The following CSMD2 variants were observed in gnomAD, a reference collection of about 807,000 sequenced individuals.
CSMD2 encodes the protein CUB and sushi domain-containing protein 2.
Under a neutral mutation model 398.5 loss-of-function variants are expected in CSMD2, and 130 were observed. That is an observed-to-expected ratio of 0.33 (90% CI 0.28 to 0.38). The LOEUF (loss-of-function observed/expected upper bound fraction) is 0.38. CSMD2 is among the 10% of genes least tolerant of loss of function. CSMD2 has a pLI of 1.00. For missense variants in CSMD2, 3,829 were observed against 4,764.9 expected (o/e 0.80, Z 5.78); for synonymous variants, 1,828 against 1,908.5 (o/e 0.96, Z 1.10).
intron 62 of CSMD2, among the ~76,000 whole-genome samples, chr1:33,536,490 T>TG (rs1309233941): frequency 6.6e-6 from 1 of 152,246 alleles, no homozygotes; most frequent in African/African-American, 2.4e-5. Flanking sequence ...CCCAAAGTGC[T>TG]GGGATTACAG....
chr1:33,895,918 C>G (rs770953434), intron 5 of CSMD2, among the ~76,000 whole-genome samples: 3 of 152,156 alleles, frequency 2.0e-5, no homozygotes, highest in African/African-American at 7.2e-5. Flanking sequence ...AACTGTAGCA[C>G]CTGCTGGCAC....
intron 53 of CSMD2, among the ~76,000 whole-genome samples, chr1:33,562,554 T>C (rs1658669771): frequency 6.6e-6 from 1 of 152,162 alleles, no homozygotes; most frequent in Non-Finnish European, 1.5e-5. Context: ...AGGCAATTAG[T>C]GTAGGCAACC....
chr1:34,158,967 A>C (rs1466996838), intron 1 of CSMD2, among the ~76,000 whole-genome samples: 2 of 152,170 alleles, frequency 1.3e-5, no homozygotes, highest in African/African-American at 4.8e-5. Flanking sequence ...CTCCTACTTG[A>C]AGATGCCCCT....
At chr1:33,524,293 C>CAT (rs1654575491) in intron 66 of CSMD2, among the ~76,000 whole-genome samples, 1 of 152,058 alleles carries the variant, frequency 6.6e-6, no homozygotes, top group African/African-American at 2.4e-5. Flanking sequence ...TGGGAACAGC[C>CAT]TTTATTCATA....
rs146151950 is a variant in CSMD2, at chr1:34,099,816, G to A, written c.188-10623C>T. On this transcript the variant is annotated intron_variant, in intron 1 of 70. Coordinates refer to ENST00000373381, the MANE Select transcript of CSMD2 (RefSeq NM_001281956.2). ...TGCTGAGAGCTGGAGCCTTGACCTGGTCCCTGCTGCATCCCTAGTGCCTAG... is the reference window on the plus strand; with the variant it reads ...TGCTGAGAGCTGGAGCCTTGACCTGATCCCTGCTGCATCCCTAGTGCCTAG... Among the ~76,000 whole-genome samples, 40 of 152,292 alleles carry A rather than the reference G, an allele frequency of 2.6e-4. 1 individual carries two copies. The highest frequency in any genetic ancestry group is 4.3e-4 in the Non-Finnish European group (29 of 68,026).
At chr1:34,065,686 A>T (rs186124075) in intron 2 of CSMD2, among the ~76,000 whole-genome samples, 2 of 152,334 alleles carry the variant, frequency 1.3e-5, no homozygotes, top group Admixed American at 6.5e-5. Flanking sequence ...AAGGTAATTC[A>T]TGGAAAGCCT....
intron 13 of CSMD2, among the ~76,000 whole-genome samples, chr1:33,769,048 T>C (rs1189542458): frequency 6.6e-6 from 1 of 152,210 alleles, no homozygotes; most frequent in Non-Finnish European, 1.5e-5. Flanking sequence ...CCTGGCTTCC[T>C]TAAGAAGTGT....
chr1:34,137,742 G>A (rs971120548), intron 1 of CSMD2, among the ~76,000 whole-genome samples: 1 of 152,198 alleles, frequency 6.6e-6, no homozygotes, highest in Non-Finnish European at 1.5e-5. Flanking sequence ...AACCTAACAT[G>A]TAATAGACAC....
chr1:33,866,077 C>T (rs1640011038), intron 5 of CSMD2, among the ~76,000 whole-genome samples: 2 of 152,166 alleles, frequency 1.3e-5, no homozygotes, highest in Non-Finnish European at 2.9e-5. Context: ...ATAGAGGGAC[C>T]TACACTTTCT....
intron 25 of CSMD2, among the ~76,000 whole-genome samples, chr1:33,690,538 T>C (rs1439472713): frequency 1.3e-5 from 2 of 152,192 alleles, no homozygotes; most frequent in Non-Finnish European, 2.9e-5. Context: ...AACCAGGTAG[T>C]AAACAAACAG....
intron 1 of CSMD2, among the ~76,000 whole-genome samples, chr1:34,154,518 T>C (rs1370591413): frequency 3.3e-5 from 5 of 152,174 alleles, no homozygotes; most frequent in Non-Finnish European, 7.3e-5. Flanking sequence ...AACAGATACG[T>C]AAAACGTGAT....
chr1:34,072,441 T>C (rs1655829132), intron 2 of CSMD2, among the ~76,000 whole-genome samples: 2 of 152,236 alleles, frequency 1.3e-5, no homozygotes. Flanking sequence ...GGAAACTTCC[T>C]ATCTCAGCAA....
intron 5 of CSMD2, chr1:33,885,300 C>T (rs1210251703): frequency 6.6e-6 from 1 of 152,114 alleles, no homozygotes; most frequent in African/African-American, 2.4e-5. Context: ...ATGGAAACCC[C>T]TTAAGATACA....
intron 4 of CSMD2, among the ~76,000 whole-genome samples, chr1:33,929,072 C>T (rs1644224328): frequency 6.6e-6 from 1 of 152,174 alleles, no homozygotes; most frequent in Non-Finnish European, 1.5e-5. Flanking sequence ...CTGTGCCAGT[C>T]ATCTCCATCT....
rs1414885796 is a variant in CSMD2, at chr1:34,164,157, G to A, written c.187+754C>T. On this transcript the variant is annotated intron_variant, in intron 1 of 70. Transcript: ENST00000373381. This position sits in a 1 kb window ranked among gnomAD's most constrained non-coding sequence, Gnocchi z 6.2. The stretch of plus-strand genomic sequence containing the variant: ...GCGGAGTGAGCACCGAGGGGAATGT[G>A]GCAGCGCGAAGCCTGGCGGCGGCAC... Among the ~76,000 whole-genome samples, 2 of 152,114 alleles carry A rather than the reference G, an allele frequency of 1.3e-5. No individual in the cohort carries two copies. Among genetic ancestry groups the A allele is most frequent in the Non-Finnish European group, 2.9e-5 (2 of 68,008 alleles).
At chr1:34,154,303 C>A (rs974404797) in intron 1 of CSMD2, among the ~76,000 whole-genome samples, 1 of 152,186 alleles carries the variant, frequency 6.6e-6, no homozygotes. Context: ...TGTGACCTGG[C>A]ACACCATTTC....
chr1:33,541,019 A>G, intron 59 of CSMD2, 111 bp downstream of exon 59: 1 of 1,093,702 alleles, frequency 9.1e-7, no homozygotes, highest in Non-Finnish European at 1.3e-6. Context: ...CCCTGATAAG[A>G]TGTTAGGGCT....
intron 3 of CSMD2, among the ~76,000 whole-genome samples, chr1:33,991,872 T>TA (rs71722786): frequency 0.012 from 1,734 of 141,022 alleles, 62 homozygotes; most frequent in East Asian, 0.11. Context: ...TCCAAGTCAA[T>TA]AAAAAAAAAG....
chr1:33,875,101 G>A (rs978753232), intron 5 of CSMD2, among the ~76,000 whole-genome samples: 1 of 152,186 alleles, frequency 6.6e-6, no homozygotes, highest in African/African-American at 2.4e-5. Context: ...CCTCTATGCT[G>A]TCTAAATACC....
Sources: gnomAD v4.1 joint callset for allele counts (sites outside exome capture counted in the v4.1 genomes callset) on GRCh38, gnomAD v4.1.1 for gene constraint, Gnocchi (gnomAD v3.1) non-coding constraint, MANE v1.5 for transcripts, NCBI Gene and HGNC (gene_info 2026-07-23, HGNC 2026-07-21) for gene names.